Variants in PTPDC1 observed in about 807,000 individuals in gnomAD.
The protein encoded by PTPDC1 is protein tyrosine phosphatase domain-containing protein 1.
In PTPDC1, 53 loss-of-function variants were observed where a neutral mutation model predicts 75.3. That is an observed-to-expected ratio of 0.70 (90% CI 0.56 to 0.88). PTPDC1 has a LOEUF of 0.88. PTPDC1 is among the 40% of genes least tolerant of loss of function. The pLI, the probability that PTPDC1 is intolerant of heterozygous loss-of-function variation, is 0.00. For synonymous variants in PTPDC1, 349 were observed against 366.2 expected (o/e 0.95, Z 0.54); for missense variants, 925 against 998.6 (o/e 0.93, Z 0.99).
intron 1 of PTPDC1, among the ~76,000 whole-genome samples, chr9:94,054,189 T>G: frequency 6.6e-6 from 1 of 152,236 alleles, no homozygotes; most frequent in South Asian, 2.1e-4. Context: ...AGATGTGTTT[T>G]CTTCATAAGT....
intron 7 of PTPDC1, 66 bp downstream of exon 7, chr9:94,101,817 A>G: frequency 1.1e-6 from 1 of 895,496 alleles, no homozygotes; most frequent in Non-Finnish European, 1.7e-6. Context: ...GCAGAAAAAA[A>G]AAATCCATTA....
chr9:94,080,571 C>T (rs1017287324), upstream of PTPDC1, among the ~76,000 whole-genome samples: 15 of 152,120 alleles, frequency 9.9e-5, no homozygotes, highest in Admixed American at 3.3e-4. Context: ...TTCTAGATAC[C>T]GTTCTTTACT....
upstream of PTPDC1, among the ~76,000 whole-genome samples, chr9:94,081,156 AT>A (rs890079369): frequency 1.3e-5 from 2 of 151,810 alleles, no homozygotes; most frequent in Non-Finnish European, 2.9e-5. Flanking sequence ...CACCCAGCCC[AT>A]TTTTGTATTT....
intron 1 of PTPDC1, among the ~76,000 whole-genome samples, chr9:94,048,803 G>A (rs1825695969): frequency 6.6e-6 from 1 of 152,038 alleles, no homozygotes; most frequent in Non-Finnish European, 1.5e-5. Flanking sequence ...GGGATAGTGG[G>A]GTGTTAAAGT....
At chr9:94,078,857 G>T (rs947894336) in intron 2 of PTPDC1, among the ~76,000 whole-genome samples, 7 of 152,020 alleles carry the variant, frequency 4.6e-5, no homozygotes, top group Non-Finnish European at 1.5e-5. Flanking sequence ...TTGGTATTCT[G>T]TATCTGATGA....
intron 8 of PTPDC1, 25 bp from the exon 9 acceptor site, chr9:94,107,803 T>C (rs1310358247): frequency 7.2e-7 from 1 of 1,391,392 alleles, no homozygotes; most frequent in Admixed American, 1.9e-5. Context: ...TACAGTGTCC[T>C]GAATATAAAT....
chr9:94,094,017 C>A (rs1027584592), intron 4 of PTPDC1, among the ~76,000 whole-genome samples: 1 of 152,178 alleles, frequency 6.6e-6, no homozygotes, highest in African/African-American at 2.4e-5. Context: ...AACTGCTTTG[C>A]CTTTGGTTTG....
At chr9:94,054,262 G>A (rs1479083912) in intron 1 of PTPDC1, among the ~76,000 whole-genome samples, 1 of 152,204 alleles carries the variant, frequency 6.6e-6, no homozygotes, top group African/African-American at 2.4e-5. Context: ...GGGTTTTGAA[G>A]AGAGGGGTGA....
intron 8 of PTPDC1, among the ~76,000 whole-genome samples, chr9:94,106,546 G>A (rs920836534): frequency 5.3e-5 from 8 of 152,160 alleles, no homozygotes; most frequent in African/African-American, 1.7e-4. Flanking sequence ...ATGTGAACAT[G>A]AAGCACATGC....
chr9:94,090,869 T>C (rs1827288777), intron 4 of PTPDC1, among the ~76,000 whole-genome samples: 1 of 146,022 alleles, frequency 6.8e-6, no homozygotes, highest in Non-Finnish European at 1.5e-5. Flanking sequence ...ACTCATGATT[T>C]GGCTCTCTGT....
At chr9:94,088,571 T>C (rs1285273374) in intron 4 of PTPDC1, among the ~76,000 whole-genome samples, 3 of 152,204 alleles carry the variant, frequency 2.0e-5, no homozygotes, top group Non-Finnish European at 4.4e-5. Flanking sequence ...AAAATTATTA[T>C]TTCTGTTTTA....
chr9:94,094,509 A>G lies in PTPDC1; in HGVS notation c.617-808A>G, dbSNP rs1484824951. On this transcript the variant is annotated intron_variant, in intron 4 of 8. Transcript: ENST00000620992. ...GTCAGACAGGGACATTTAAGTATGC[A>G]AAAGTTACTGCTGTCTTTTTGTTTG... is the stretch of plus-strand genomic sequence containing the variant. Among the ~76,000 whole-genome samples the G allele has an allele frequency of 2.6e-5, 4 of 152,176 alleles. No homozygotes were observed. In the East Asian group the frequency reaches 5.8e-4, roughly 22 times the overall value.
At chr9:94,049,195 C>T (rs1192423410) in intron 1 of PTPDC1, among the ~76,000 whole-genome samples, 2 of 152,140 alleles carry the variant, frequency 1.3e-5, no homozygotes, top group African/African-American at 4.8e-5. Context: ...GAGCATTTAG[C>T]CCATTTACAT....
chr9:94,107,054 G>A (rs570273860), intron 8 of PTPDC1, among the ~76,000 whole-genome samples: 11 of 152,070 alleles, frequency 7.2e-5, no homozygotes, highest in South Asian at 4.2e-4. Flanking sequence ...CCTGGGCTCC[G>A]GCAATCCTCC....
At chr9:94,052,084 T>A (rs1442662895) in intron 1 of PTPDC1, among the ~76,000 whole-genome samples, 1 of 152,180 alleles carries the variant, frequency 6.6e-6, no homozygotes, top group East Asian at 1.9e-4. Context: ...AAAATACACA[T>A]AACAAAATTT....
At chr9:94,091,771 G>A (rs1364668956) in intron 4 of PTPDC1, among the ~76,000 whole-genome samples, 1 of 152,080 alleles carries the variant, frequency 6.6e-6, no homozygotes, top group African/African-American at 2.4e-5. Flanking sequence ...TCCTGTTATT[G>A]GTCTATTCAG....
chr9:94,060,964 C>G (rs1826109829), intron 1 of PTPDC1, among the ~76,000 whole-genome samples: 1 of 152,152 alleles, frequency 6.6e-6, no homozygotes, highest in South Asian at 2.1e-4. Flanking sequence ...TTATGCCTTT[C>G]CAACAGTACC....
intron 1 of PTPDC1, chr9:94,038,380 C>G: frequency 2.2e-6 from 1 of 453,002 alleles, no homozygotes; most frequent in Non-Finnish European, 4.0e-6. Context: ...ACAAATGTCT[C>G]ATGACTTTTT....
intron 1 of PTPDC1, among the ~76,000 whole-genome samples, chr9:94,040,916 C>G (rs747885233): frequency 6.6e-6 from 1 of 152,146 alleles, no homozygotes; most frequent in African/African-American, 2.4e-5. Flanking sequence ...TTGAACACTT[C>G]TTATGTTTCT....
Sources: gnomAD v4.1 joint callset for allele counts (sites outside exome capture counted in the v4.1 genomes callset) on GRCh38, gnomAD v4.1.1 for gene constraint, MANE v1.5 for transcripts, NCBI Gene and HGNC (gene_info 2026-07-23, HGNC 2026-07-21) for gene names.